Variants in RCBTB2 observed in about 807,000 individuals in gnomAD.
The protein encoded by RCBTB2 is RCC1 and BTB domain-containing protein 2.
In RCBTB2, 55 loss-of-function variants were observed where a neutral mutation model predicts 65.4. That is an observed-to-expected ratio of 0.84 (90% CI 0.68 to 1.05). The LOEUF (loss-of-function observed/expected upper bound fraction) is 1.05. Ranked by LOEUF, RCBTB2 falls within the 50% of genes least tolerant of loss-of-function variation. The pLI, the probability that RCBTB2 is intolerant of heterozygous loss-of-function variation, is 0.00. For missense variants in RCBTB2, 599 were observed against 680.1 expected (o/e 0.88, Z 1.33); for synonymous variants, 220 against 255.2 (o/e 0.86, Z 1.31).
upstream of RCBTB2, among the ~76,000 whole-genome samples, chr13:48,535,290 C>T (rs963096770): frequency 2.1e-5 from 3 of 140,668 alleles, no homozygotes; most frequent in African/African-American, 2.7e-5. Flanking sequence ...GAATCTTGCT[C>T]TGTTGCCCAG....
At position 48,494,597 on chromosome 13, in the gene RCBTB2, C is replaced by T. The variant is rs138411816; in HGVS notation, c.1515+1594G>A. ...AGAAAACAGAGAGCTGGAAGGTAGC[C>T]AGACAAATAATTCACATAAATAGAG... On this transcript the variant is annotated intron_variant, in intron 14 of 14. Coordinates refer to ENST00000344532, the MANE Select transcript of RCBTB2 (RefSeq NM_001268.4). Among the ~76,000 whole-genome samples the T allele has an allele frequency of 5.7e-3, 875 of 152,218 alleles. 5 individuals are homozygous for T. The highest frequency in any genetic ancestry group is 0.01 in the Middle Eastern group (3 of 294).
chr13:48,515,058 T>C (rs772794895), intron 6 of RCBTB2, 147 bp downstream of exon 6: 32 of 722,720 alleles, frequency 4.4e-5, no homozygotes, highest in Non-Finnish European at 7.3e-5. Flanking sequence ...CATCACCTTA[T>C]GCTGGCATTC....
At chr13:48,531,590 G>A (rs1952124440) in intron 1 of RCBTB2, among the ~76,000 whole-genome samples, 1 of 152,234 alleles carries the variant, frequency 6.6e-6, no homozygotes, top group African/African-American at 2.4e-5. Context: ...GCCCTGGGAT[G>A]AGGGTCCGCT....
chr13:48,511,875 G>T lies in RCBTB2; in HGVS notation c.678C>A (p.Val226=), dbSNP rs766583038. The T allele has an allele frequency of 6.2e-7, 1 of 1,614,104 alleles. No homozygotes were observed. The highest frequency in any genetic ancestry group is 1.7e-5 in the Admixed American group (1 of 60,022). Residue 226 remains valine (V), a splice_region_variant and synonymous_variant, in exon 9 of 15, where the codon GTC becomes GTA. Coordinates refer to ENST00000344532, the MANE Select transcript of RCBTB2 (RefSeq NM_001268.4). ...CCMAVVDTGE[V]YVWGYNGNGQ... ...CGTTTCCGTTGTAACCCCAGACATA[G>T]ACCTGAGAGAAAATGAGACCCTCAA...
chr13:48,493,353 T>A (rs1482604286), intron 14 of RCBTB2, among the ~76,000 whole-genome samples: 1 of 131,184 alleles, frequency 7.6e-6, no homozygotes, highest in Admixed American at 7.7e-5. Flanking sequence ...CTCTTCTCTC[T>A]CTCACCCTCT....
At chr13:48,515,877 C>T in intron 4 of RCBTB2, 136 bp from the exon 5 acceptor site, 1 of 877,432 alleles carries the variant, frequency 1.1e-6, no homozygotes, top group Non-Finnish European at 1.7e-6. Flanking sequence ...CCTCTCGCAG[C>T]TGCAGGGATT....
chr13:48,493,311 A>ACCCTCTCTCTCT (rs773819158), intron 14 of RCBTB2, among the ~76,000 whole-genome samples: 2 of 57,338 alleles, frequency 3.5e-5, no homozygotes, highest in Non-Finnish European at 7.2e-5. Flanking sequence ...ACACACACAC[A>ACCCTCTCTCTCT]CACACTCTCT....
rs3085589 is a variant in RCBTB2 at position 48,493,225 on chromosome 13, TCACA to T, written c.1515+2962_1515+2965del. Among the ~76,000 whole-genome samples, 156 of 109,112 alleles carry T rather than the reference TCACA, an allele frequency of 1.4e-3. 1 individual carries two copies. The highest frequency in any genetic ancestry group is 4.6e-3 in the Middle Eastern group (1 of 218). 71.6% of individuals were successfully genotyped at this position (109,112 alleles called of 152,430 possible). ...TATACAGCCTCCTAAGTACCCTCCTTCACACACACACACACACACACACACACAC... is the reference window on the plus strand; with the variant it reads ...TATACAGCCTCCTAAGTACCCTCCTTCACACACACACACACACACACACAC... On this transcript the variant is annotated intron_variant, in intron 14 of 14. Transcript: ENST00000344532.
At chr13:48,509,097 G>C (rs535957052) in intron 10 of RCBTB2, among the ~76,000 whole-genome samples, 53 of 152,260 alleles carry the variant, frequency 3.5e-4, no homozygotes, top group African/African-American at 1.2e-3. Flanking sequence ...TTGGGAGACC[G>C]AGATAAGAGG....
chr13:48,511,630 G>A, intron 9 of RCBTB2, 140 bp downstream of exon 9: 1 of 695,734 alleles, frequency 1.4e-6, no homozygotes, highest in South Asian at 2.1e-5. Context: ...CAAGGAAAAA[G>A]AGACTTAACC....
intron 8 of RCBTB2, 60 bp from the exon 9 acceptor site, chr13:48,511,937 T>C: frequency 6.2e-7 from 1 of 1,609,894 alleles, no homozygotes; most frequent in South Asian, 1.1e-5. Context: ...AGCTGTCTGT[T>C]ATGTGGGACA....
chr13:48,498,151 A>G (rs1950060944), intron 13 of RCBTB2, among the ~76,000 whole-genome samples: 1 of 152,168 alleles, frequency 6.6e-6, no homozygotes, highest in South Asian at 2.1e-4. Flanking sequence ...TTGGAATGCA[A>G]GCTAGGGTGC....
In RCBTB2 at chr13:48,515,296, G is replaced by A. The variant is rs776976794; in HGVS notation, c.258C>T (p.Thr86=). ...AAGAATCCAGTCTCCGAGGTTCAAT[G>A]GTGCTCTGGACGTCACCTAACCCCA... ...GCLGLGDVQS[T]IEPRRLDSLN... is the part of the protein sequence containing the mutation. Residue 86 remains threonine, a synonymous_variant, in exon 6 of 15, where the codon ACC becomes ACT. Coordinates refer to ENST00000344532, the MANE Select transcript of RCBTB2 (RefSeq NM_001268.4). The A allele has an allele frequency of 1.6e-4, 253 of 1,613,926 alleles. No individual in the cohort carries two copies. Among genetic ancestry groups the A allele is most frequent in the Non-Finnish European group, 2.0e-4 (236 of 1,179,942 alleles).
intron 11 of RCBTB2, 41 bp from the exon 12 acceptor site, chr13:48,501,909 C>A: frequency 1.3e-6 from 2 of 1,597,416 alleles, no homozygotes; most frequent in Non-Finnish European, 1.7e-6. Context: ...TAGCTACAGA[C>A]ATAATGAACA....
rs1950811047 is a variant in RCBTB2 at position 48,511,801 on chromosome 13, A to G, written c.752T>C (p.Val251Ala). 2 of 1,614,040 alleles carry G rather than the reference A, an allele frequency of 1.2e-6. No homozygotes were observed. Among genetic ancestry groups the G allele is most frequent in the Non-Finnish European group, 1.7e-6 (2 of 1,179,996 alleles). The change falls in exon 9 of 15, where the codon GTG becomes GCG. Residue 251 changes from valine to alanine, a missense_variant. Physicochemically the swap from Val to Ala is moderately conservative, Grantham distance 64 (BLOSUM62 0). Coordinates refer to ENST00000344532, the MANE Select transcript of RCBTB2 (RefSeq NM_001268.4). ...NSGNQPTPCR[V>A]AALQGIRVQR... ...GACACGGATGCCTTGCAAAGCTGCC[A>G]CTCTGCAAGGGGTTGGCTGGTTGCC...
At chr13:48,490,599 T>C (rs1248078737) in intron 14 of RCBTB2, among the ~76,000 whole-genome samples, 2 of 152,244 alleles carry the variant, frequency 1.3e-5, no homozygotes, top group Admixed American at 6.5e-5. Context: ...CTTTCAATAA[T>C]TGTTAAAAGC....
At chr13:48,517,491 TC>T (rs1320029828) in intron 4 of RCBTB2, among the ~76,000 whole-genome samples, 1 of 152,148 alleles carries the variant, frequency 6.6e-6, no homozygotes, top group Non-Finnish European at 1.5e-5. Context: ...TGTTACTAAG[TC>T]CTCAAACTTT....
In RCBTB2 at chr13:48,502,792, A is replaced by G; in HGVS notation, c.1049T>C (p.Phe350Ser). 6.2e-7 allele frequency: 1 copy of G among 1,614,026 alleles called. No individual in the cohort carries two copies. The highest frequency in any genetic ancestry group is 1.3e-5 in the African/African-American group (1 of 74,992). ...GGCAAACACGTCGTCAGTGCAGGAG[A>G]AGTGGGTGAGGTGCGGGAGGATCAC... ...QSVILPHLTH[F>S]SCTDDVFACF... is the part of the protein sequence containing the mutation. The change falls in exon 11 of 15, where the codon TTC becomes TCC. Residue 350 changes from phenylalanine (F) to serine (S), a missense_variant. Phe to Ser is a radical substitution (Grantham distance 155, BLOSUM62 -2). Coordinates refer to ENST00000344532, the MANE Select transcript of RCBTB2 (RefSeq NM_001268.4).
At chr13:48,507,125 C>T (rs1160300337) in intron 10 of RCBTB2, among the ~76,000 whole-genome samples, 1 of 152,234 alleles carries the variant, frequency 6.6e-6, no homozygotes, top group Non-Finnish European at 1.5e-5. Flanking sequence ...TGATGCTGCC[C>T]GTCCCGGGGC....
Sources: allele counts gnomAD v4.1 joint callset (sites outside exome capture counted in the v4.1 genomes callset), GRCh38; gene constraint gnomAD v4.1.1; transcripts MANE v1.5; gene names NCBI Gene and HGNC (gene_info 2026-07-23, HGNC 2026-07-21).